The following FBXO3 variants were observed in gnomAD, a reference collection of about 807,000 sequenced individuals.
FBXO3 encodes the protein F-box only protein 3.
FBXO3 carries 17 observed loss-of-function variants against 64.8 expected under a neutral mutation model. That is an observed-to-expected ratio of 0.26 (90% confidence interval 0.18 to 0.39). The LOEUF (loss-of-function observed/expected upper bound fraction) is 0.39, where lower values mean the gene tolerates loss of function less well. Among genes scored for constraint, FBXO3 ranks in the 10% least tolerant of loss-of-function variants. The probability of loss-of-function intolerance (pLI) is 1.00; values close to 1 mark genes in which losing one functional copy is unlikely to be tolerated. For synonymous variants in FBXO3, 182 were observed against 201.6 expected (o/e 0.90, Z 0.82); for missense variants, 420 against 589.9 (o/e 0.71, Z 2.98).
chr11:33,744,189 T>C (rs1854756223), intron 10 of FBXO3: 1 of 152,228 alleles, frequency 6.6e-6, no homozygotes, highest in South Asian at 2.1e-4. Flanking sequence ...AGGGAAAGGC[T>C]TAGGAAGTTC....
chr11:33,769,090 T>G (rs963131708), intron 2 of FBXO3, 76 bp from the exon 3 acceptor site: 2 of 1,208,512 alleles, frequency 1.7e-6, no homozygotes, highest in Middle Eastern at 2.9e-4. Context: ...CTACAACATA[T>G]AGAAACTTGT....
At chr11:33,758,631 G>A in intron 3 of FBXO3, 30 bp from the exon 4 acceptor site, 1 of 1,474,148 alleles carries the variant, frequency 6.8e-7, no homozygotes, top group Non-Finnish European at 9.3e-7. Context: ...AGTGAATTGT[G>A]AAGAAACAGC....
chr11:33,754,493 A>G lies in FBXO3; in HGVS notation c.686T>C (p.Met229Thr). The G allele has an allele frequency of 6.3e-7, 1 of 1,582,822 alleles. No individual in the cohort carries two copies. Residue 229 changes from methionine to threonine, a missense_variant, in exon 6 of 11, where the codon ATG becomes ACG. By Grantham distance (81) the Met-to-Thr change is moderately conservative. Transcript: ENST00000265651. ...GTCAATAGCAGCTGGATTTCGAGCC[A>G]TTTGGTCCTAGGTGAGAAAAAGAAT... ...NEVFYQCPDQ[M>T]ARNPAAIDMF...
intron 4 of FBXO3, 129 bp downstream of exon 4, chr11:33,758,358 A>G: frequency 1.8e-6 from 1 of 555,600 alleles, no homozygotes; most frequent in South Asian, 3.0e-5. Flanking sequence ...ATGGATTGCT[A>G]TAAAGGAGAA....
rs139843715 is a variant in FBXO3 at position 33,755,678 on chromosome 11, C to A, written c.678+93G>T. On this transcript the variant is annotated intron_variant, in intron 5 of 10. Coordinates refer to ENST00000265651, the MANE Select transcript of FBXO3 (RefSeq NM_012175.4). ...TAACTAAAATGCATAATATTCTATA[C>A]CCATTCTACAATCCTGAAAATACCT... The A allele has an allele frequency of 1.8e-4, 158 of 896,774 alleles. No homozygotes were observed. The East Asian group carries it at 3.8e-3, about 22-fold the overall frequency. The allele number at this position is 896,774 out of a possible 1,614,324, so 55.6% of individuals were successfully genotyped here.
intron 4 of FBXO3, among the ~76,000 whole-genome samples, chr11:33,757,454 T>TAAC (rs1186238816): frequency 9.8e-6 from 1 of 102,186 alleles, no homozygotes; most frequent in African/African-American, 3.9e-5. Flanking sequence ...TCTCTAATAA[T>TAAC]AATAATAATA....
chr11:33,759,480 C>T (rs935460409), intron 3 of FBXO3, among the ~76,000 whole-genome samples: 6 of 152,138 alleles, frequency 3.9e-5, no homozygotes, highest in Non-Finnish European at 7.4e-5. Context: ...TTCTGACTGA[C>T]ATCCTAGGAA....
At chr11:33,772,140 C>A (rs1334200749) in intron 1 of FBXO3, 1 of 152,166 alleles carries the variant, frequency 6.6e-6, no homozygotes, top group Non-Finnish European at 1.5e-5. Context: ...GCAACTGATG[C>A]TACATGATTC....
Position 33,758,593 on chromosome 11 carries a change from G to A in FBXO3, c.367C>T (p.Arg123Ter). The change falls in exon 4 of 11, where the codon CGA (arginine) becomes TGA (stop). Residue 123 changes from arginine (R) to a stop codon, truncating the protein, a stop_gained. Transcript: ENST00000265651. LOFTEE classifies it high-confidence loss of function. Reference protein sequence around the residue: ...RMVLSLKEGAREEDLDAVEAQ... With the variant: ...RMVLSLKEGA Reference sequence around the variant, plus strand: ...TCCACAGCATCGAGGTCTTCCTCTCGAGCACCCTCTATAAAGGCACAAAAA... The same window carrying A: ...TCCACAGCATCGAGGTCTTCCTCTCAAGCACCCTCTATAAAGGCACAAAAA... The A allele has an allele frequency of 1.3e-6, 2 of 1,599,892 alleles. No individual in the cohort carries two copies. Among genetic ancestry groups the A allele is most frequent in the South Asian group, 1.1e-5 (1 of 89,908 alleles).
Position 33,768,956 on chromosome 11 carries a change from C to A in FBXO3, c.253G>T (p.Asp85Tyr). Residue 85 changes from aspartate to tyrosine, a missense_variant, in exon 3 of 11, where the codon GAT (aspartate) becomes TAT (tyrosine). By Grantham distance (160) the Asp-to-Tyr change is radical. This residue lies in a region of FBXO3 where 337 missense variants were observed against 518.4 expected (regional missense o/e 0.65). Coordinates refer to ENST00000265651, the MANE Select transcript of FBXO3 (RefSeq NM_012175.4). Reference protein sequence around the residue: ...WKSLFIDTYSDVGRYIDHYAA... With the variant: ...WKSLFIDTYSYVGRYIDHYAA... ...TAATGGTCAATGTATCTTCCTACAT[C>A]AGAGTAAGTATCTATGAAGAGAGAT... 1 of 1,613,878 alleles carries A rather than the reference C, an allele frequency of 6.2e-7. No individual in the cohort carries two copies. Among genetic ancestry groups the A allele is most frequent in the Non-Finnish European group, 8.5e-7 (1 of 1,179,802 alleles).
chr11:33,759,288 G>A (rs962506504), intron 3 of FBXO3, among the ~76,000 whole-genome samples: 8 of 152,198 alleles, frequency 5.3e-5, no homozygotes, highest in South Asian at 2.1e-4. Context: ...GCCAGGCATC[G>A]GAAGCCACCT....
chr11:33,759,155 C>T (rs55829635), intron 3 of FBXO3, among the ~76,000 whole-genome samples: 2,734 of 152,212 alleles, frequency 0.018, 43 homozygotes, highest in Non-Finnish European at 0.027. Context: ...CAGCAGCAGC[C>T]CACCAGGTTG....
intron 3 of FBXO3, among the ~76,000 whole-genome samples, chr11:33,762,765 A>G (rs973986241): frequency 1.3e-5 from 2 of 151,844 alleles, no homozygotes; most frequent in Non-Finnish European, 2.9e-5. Flanking sequence ...CAAAGCGAAG[A>G]CATCAAAGAA....
At chr11:33,760,867 T>G (rs1406302602) in intron 3 of FBXO3, among the ~76,000 whole-genome samples, 1 of 152,104 alleles carries the variant, frequency 6.6e-6, no homozygotes, top group Non-Finnish European at 1.5e-5. Flanking sequence ...GATGGAAGCA[T>G]GAAGACACAG....
chr11:33,751,593 C>A lies in FBXO3; in HGVS notation c.739G>T (p.Asp247Tyr). Residue 247 changes from aspartate to tyrosine, a missense_variant, in exon 7 of 11, where the codon GAC (aspartate) becomes TAC (tyrosine). Physicochemically the swap from Asp to Tyr is radical, Grantham distance 160. Around this residue, in one of 3 missense-constraint regions of FBXO3, gnomAD observed 337 missense variants for 518.4 expected, o/e 0.65. Coordinates refer to ENST00000265651, the MANE Select transcript of FBXO3 (RefSeq NM_012175.4). ...TTTTTGACATAAGAGGTAAACCAGTCAGTAAAAGTAGCACCTATAAAGCAG... is the reference window on the plus strand; with the variant it reads ...TTTTTGACATAAGAGGTAAACCAGTAAGTAAAAGTAGCACCTATAAAGCAG... ...DMFIIGATFT[D>Y]WFTSYVKNVV... The A allele has an allele frequency of 6.2e-7, 1 of 1,602,768 alleles. No individual in the cohort carries two copies. Among genetic ancestry groups the A allele is most frequent in the South Asian group, 1.1e-5 (1 of 89,096 alleles).
intron 9 of FBXO3, among the ~76,000 whole-genome samples, chr11:33,748,289 C>G (rs561110393): frequency 1.7e-4 from 26 of 152,250 alleles, no homozygotes; most frequent in African/African-American, 5.8e-4. Flanking sequence ...ATGCTTAGAA[C>G]TGATAACAGA....
chr11:33,769,525 T>C (rs1228530041), intron 2 of FBXO3, among the ~76,000 whole-genome samples: 1 of 152,082 alleles, frequency 6.6e-6, no homozygotes. Context: ...ACTGAGGATA[T>C]AAAAAAATAA....
chr11:33,767,994 T>A (rs1855418016), intron 3 of FBXO3, among the ~76,000 whole-genome samples: 1 of 152,206 alleles, frequency 6.6e-6, no homozygotes, highest in Non-Finnish European at 1.5e-5. Flanking sequence ...TGTATGAAAG[T>A]AATATTTGCA....
At position 33,755,569 on chromosome 11, in the gene FBXO3, C is replaced by T. The variant is rs150646557; in HGVS notation, c.678+202G>A. On this transcript the variant is annotated intron_variant, in intron 5 of 10. Coordinates refer to ENST00000265651, the MANE Select transcript of FBXO3 (RefSeq NM_012175.4). ...TTGCAGCTTTTCCTCTGTATATACA[C>T]CAGTTTTTTATGTCCAACTGTCAAG... Among the ~76,000 whole-genome samples the T allele has an allele frequency of 7.5e-3, 1,149 of 152,302 alleles. 7 individuals carry two copies. Among genetic ancestry groups the T allele is most frequent in the Non-Finnish European group, 9.9e-3 (676 of 68,036 alleles).
Sources: allele counts gnomAD v4.1 joint callset (sites outside exome capture counted in the v4.1 genomes callset), GRCh38; gene constraint gnomAD v4.1.1; regional missense constraint gnomAD v4.1.1; transcripts MANE v1.5; gene names NCBI Gene and HGNC (gene_info 2026-07-23, HGNC 2026-07-21).